Variants in SCP2 observed in about 807,000 individuals in gnomAD.
SCP2 encodes the protein SCP-2/3-oxoacyl-CoA thiolase.
A neutral mutation model predicts 71.4 loss-of-function variants in SCP2; 48 were observed. The observed-to-expected ratio is 0.67, with a 90% CI of 0.53 to 0.86. The LOEUF is 0.86. SCP2 is among the 40% of genes least tolerant of loss of function. SCP2 has a pLI of 0.00. For missense variants in SCP2, 560 were observed against 655.6 expected (o/e 0.85, Z 1.59); for synonymous variants, 220 against 218.1 (o/e 1.01, Z -0.08).
At chr1:53,032,715 G>T (rs1483215772) in intron 13 of SCP2, among the ~76,000 whole-genome samples, 2 of 152,352 alleles carry the variant, frequency 1.3e-5, no homozygotes, top group East Asian at 1.9e-4. Context: ...CCACTAAGAA[G>T]TTCAAGCCTG....
intron 10 of SCP2, among the ~76,000 whole-genome samples, chr1:52,986,413 TCCAA>T (rs1658988853): frequency 6.6e-6 from 1 of 152,202 alleles, no homozygotes; most frequent in Non-Finnish European, 1.5e-5. Context: ...CAGAGCAATT[TCCAA>T]GGTAGAAACA....
chr1:52,938,630 T>C (rs933235817), intron 1 of SCP2, among the ~76,000 whole-genome samples: 8 of 152,208 alleles, frequency 5.3e-5, no homozygotes, highest in African/African-American at 1.9e-4. Context: ...TTTTTAAAAA[T>C]AGACTACTTT....
chr1:52,935,651 C>T (rs1002001349), intron 1 of SCP2, among the ~76,000 whole-genome samples: 6 of 151,676 alleles, frequency 4.0e-5, no homozygotes, highest in Non-Finnish European at 7.4e-5. Flanking sequence ...TGTCCACACT[C>T]GGTTGGGTCT....
At chr1:52,971,790 G>T (rs1402644040) in intron 6 of SCP2, among the ~76,000 whole-genome samples, 1 of 152,182 alleles carries the variant, frequency 6.6e-6, no homozygotes, top group Non-Finnish European at 1.5e-5. Flanking sequence ...TGGAATGGGG[G>T]TCTTATGACC....
chr1:52,964,082 G>A (rs894056349), intron 6 of SCP2, among the ~76,000 whole-genome samples: 1 of 151,690 alleles, frequency 6.6e-6, no homozygotes, highest in Admixed American at 6.6e-5. Context: ...TATTGTAATA[G>A]CATTTTTGTT....
intron 15 of SCP2, chr1:53,049,220 T>C (rs1664043175): frequency 1.3e-5 from 2 of 152,252 alleles, no homozygotes; most frequent in African/African-American, 4.8e-5. Context: ...GGCAGGCTGT[T>C]CAGACTTCAC....
chr1:52,988,688 C>CTTTTTTTTTTTTT (rs71744669), intron 11 of SCP2, among the ~76,000 whole-genome samples: 2 of 133,422 alleles, frequency 1.5e-5, no homozygotes, highest in Non-Finnish European at 3.2e-5. Flanking sequence ...TCTTTCTTTT[C>CTTTTTTTTTTTTT]TTTTTTTTTT....
intron 13 of SCP2, among the ~76,000 whole-genome samples, chr1:53,033,379 G>T (rs899200994): frequency 1.3e-5 from 2 of 152,114 alleles, no homozygotes; most frequent in Admixed American, 1.3e-4. Flanking sequence ...GAGGTGGGTG[G>T]ATCACTTGAG....
intron 10 of SCP2, among the ~76,000 whole-genome samples, chr1:52,987,572 A>T (rs1426276191): frequency 2.0e-5 from 3 of 152,106 alleles, no homozygotes; most frequent in Non-Finnish European, 4.4e-5. Context: ...CAGTGTTTTC[A>T]GACATTTCTC....
chr1:52,995,782 G>A (rs755007008), intron 11 of SCP2: 36 of 805,102 alleles, frequency 4.5e-5, no homozygotes, highest in South Asian at 2.3e-4. Context: ...TCAAGATGGC[G>A]GTCACCTTAA....
At chr1:52,978,642 A>G (rs1175125145) in intron 9 of SCP2, among the ~76,000 whole-genome samples, 1 of 152,104 alleles carries the variant, frequency 6.6e-6, no homozygotes. Context: ...AGCTTACTAT[A>G]GCTTCCACAT....
chr1:52,994,962 C>T, intron 11 of SCP2: 1 of 514,610 alleles, frequency 1.9e-6, no homozygotes, highest in East Asian at 5.1e-5. Flanking sequence ...CTAGCTCAGG[C>T]CCTTTTGGCC....
chr1:52,956,470 G>A (rs1055159425), intron 5 of SCP2, among the ~76,000 whole-genome samples: 1 of 152,122 alleles, frequency 6.6e-6, no homozygotes, highest in Non-Finnish European at 1.5e-5. Flanking sequence ...AACCACAAAA[G>A]TGGCACTTAA....
Position 52,976,788 on chromosome 1 carries a change from AAC to A in SCP2, c.674+21_674+22del. Reference sequence around the variant, plus strand: ...AATGTTGGTAAGAAAAATATATTTTAACATTTAATGAGGGAAGTAACTGCTGC... The same window carrying A: ...AATGTTGGTAAGAAAAATATATTTTAATTTAATGAGGGAAGTAACTGCTGC... On this transcript the variant is annotated intron_variant, in intron 8 of 15. Coordinates refer to ENST00000371514, the MANE Select transcript of SCP2 (RefSeq NM_002979.5). 1 of 1,201,450 alleles carries A rather than the reference AAC, an allele frequency of 8.3e-7. No individual in the cohort carries two copies. The highest frequency in any genetic ancestry group is 1.2e-6 in the Non-Finnish European group (1 of 803,756). 74.4% of individuals were successfully genotyped at this position (1,201,450 alleles called of 1,614,324 possible). A position where few individuals can be genotyped will look rare whatever the true frequency, so the allele number is the denominator to read the frequency against.
At chr1:52,974,140 C>G (rs1327328410) in intron 6 of SCP2, among the ~76,000 whole-genome samples, 1 of 151,850 alleles carries the variant, frequency 6.6e-6, no homozygotes, top group Non-Finnish European at 1.5e-5. Flanking sequence ...CTTTACAGCA[C>G]CAAATGAGAA....
chr1:52,947,982 T>C, intron 2 of SCP2, 27 bp from the exon 3 acceptor site: 1 of 1,559,432 alleles, frequency 6.4e-7, no homozygotes, highest in Non-Finnish European at 8.8e-7. Context: ...TAAAGCACTT[T>C]TTGATAAAAA....
intron 10 of SCP2, among the ~76,000 whole-genome samples, chr1:52,986,447 G>A (rs527481170): frequency 5.4e-4 from 83 of 152,312 alleles, no homozygotes; most frequent in African/African-American, 1.8e-3. Flanking sequence ...ATAAAAGAGA[G>A]AATGCCTTAG....
intron 6 of SCP2, among the ~76,000 whole-genome samples, chr1:52,965,811 T>C (rs962853691): frequency 1.6e-5 from 2 of 128,102 alleles, no homozygotes; most frequent in African/African-American, 3.6e-5. Context: ...ATTTTTGTAG[T>C]TTTTTTTTTT....
chr1:53,036,487 C>G (rs1662960911), intron 13 of SCP2, among the ~76,000 whole-genome samples: 1 of 149,446 alleles, frequency 6.7e-6, no homozygotes, highest in African/African-American at 2.4e-5. Flanking sequence ...TCTTGCTCTT[C>G]CTTGTACTTC....
Sources: allele counts gnomAD v4.1 joint callset (sites outside exome capture counted in the v4.1 genomes callset), GRCh38; gene constraint gnomAD v4.1.1; transcripts MANE v1.5; gene names NCBI Gene and HGNC (gene_info 2026-07-23, HGNC 2026-07-21).